The following NMRK1 variants were observed in gnomAD, a reference collection of about 807,000 sequenced individuals.
NMRK1 encodes nicotinamide riboside kinase 1, also known as NRK 1.
NMRK1 carries 28 observed loss-of-function variants against 29.9 expected under a neutral mutation model. That is an observed-to-expected ratio of 0.94 (90% CI 0.69 to 1.28). The LOEUF (loss-of-function observed/expected upper bound fraction) is 1.28, where lower values mean the gene tolerates loss of function less well. Ranked by LOEUF, NMRK1 falls within the 50% of genes most tolerant of loss-of-function variation. NMRK1 has a pLI of 0.00. For missense variants in NMRK1, 218 were observed against 233.1 expected (o/e 0.94, Z 0.42); for synonymous variants, 58 against 73.0 (o/e 0.79, Z 1.05).
intron 2 of NMRK1, chr9:75,078,413 C>A: frequency 6.4e-7 from 1 of 1,552,450 alleles, no homozygotes. Context: ...TAGCTTATCA[C>A]AACAGGCCAG....
chr9:75,072,356 T>C (rs1053838782), intron 4 of NMRK1, among the ~76,000 whole-genome samples: 1 of 152,224 alleles, frequency 6.6e-6, no homozygotes, highest in African/African-American at 2.4e-5. Flanking sequence ...CAGTGAGCAA[T>C]GGGACTAATC....
At chr9:75,080,742 C>T (rs1824271694) in intron 2 of NMRK1, among the ~76,000 whole-genome samples, 1 of 152,134 alleles carries the variant, frequency 6.6e-6, no homozygotes, top group Admixed American at 6.5e-5. Context: ...TGGTGCCATC[C>T]CCATGGTAAT....
intron 8 of NMRK1, among the ~76,000 whole-genome samples, chr9:75,065,545 C>T (rs140483223): frequency 6.6e-6 from 1 of 152,200 alleles, no homozygotes; most frequent in East Asian, 1.9e-4. Flanking sequence ...TCTTGAACTC[C>T]TGGCCCCAAG....
At chr9:75,086,627 G>A (rs1172499807) in intron 1 of NMRK1, among the ~76,000 whole-genome samples, 3 of 152,168 alleles carry the variant, frequency 2.0e-5, no homozygotes, top group Admixed American at 1.3e-4. Flanking sequence ...CTGCAGAATG[G>A]TCAGAAGTGG....
chr9:75,080,789 G>A (rs1292698620), intron 2 of NMRK1, among the ~76,000 whole-genome samples: 1 of 152,118 alleles, frequency 6.6e-6, no homozygotes, highest in African/African-American at 2.4e-5. Context: ...CGTGAGAGCT[G>A]GTTGTTTAAA....
Position 75,077,471 on chromosome 9 carries a change from T to C in NMRK1, c.120+19A>G. On this transcript the variant is annotated intron_variant, in intron 3 of 8. Coordinates refer to ENST00000361092, the MANE Select transcript of NMRK1 (RefSeq NM_017881.3). The stretch of plus-strand genomic sequence containing the variant: ...ACATTTTTGTATTAAATAAATAATT[T>C]AAGAAGTTTTATAGATACCTTGAAG... The C allele has an allele frequency of 1.3e-6, 2 of 1,484,722 alleles. No individual in the cohort carries two copies. Among genetic ancestry groups the C allele is most frequent in the South Asian group, 1.2e-5 (1 of 84,572 alleles). 92.0% of individuals were successfully genotyped at this position (1,484,722 alleles called of 1,614,324 possible). A position where few individuals can be genotyped will look rare whatever the true frequency, so the allele number is the denominator to read the frequency against.
At chr9:75,079,724 A>C (rs1301579739) in intron 2 of NMRK1, among the ~76,000 whole-genome samples, 1 of 152,086 alleles carries the variant, frequency 6.6e-6, no homozygotes, top group African/African-American at 2.4e-5. Context: ...AAGGAATAGG[A>C]ACCTTCCTTG....
rs1320139914 is a variant in NMRK1 at position 75,069,218 on chromosome 9, GACTACATGT to G, written c.390-125_390-117del. 4.3e-6 allele frequency: 3 copies of G among 694,142 alleles called. No individual in the cohort carries two copies. The African/African-American group carries it at 5.3e-5, about 12-fold the overall frequency. The allele number at this position is 694,142 out of a possible 1,614,324, so 43.0% of individuals were successfully genotyped here. ...AGAGGCTGAATCTAAACAGGATTAGGACTACATGTACTACATGTTTTAACTCAATGGCAG... is the reference window on the plus strand; with the variant it reads ...AGAGGCTGAATCTAAACAGGATTAGGACTACATGTTTTAACTCAATGGCAG... On this transcript the variant is annotated intron_variant, in intron 6 of 8. Coordinates refer to ENST00000361092, the MANE Select transcript of NMRK1 (RefSeq NM_017881.3).
chr9:75,073,081 G>A (rs1258196433), intron 4 of NMRK1, among the ~76,000 whole-genome samples: 1 of 152,178 alleles, frequency 6.6e-6, no homozygotes, highest in Non-Finnish European at 1.5e-5. Flanking sequence ...GGTCATTACA[G>A]ATACAATCAG....
chr9:75,078,547 A>G, intron 2 of NMRK1: 1 of 1,279,746 alleles, frequency 7.8e-7, no homozygotes, highest in Non-Finnish European at 9.9e-7. Flanking sequence ...CGATTCAGTC[A>G]TTTATTGAAA....
At chr9:75,077,654 G>A in intron 2 of NMRK1, 74 bp from the exon 3 acceptor site, 1 of 1,043,920 alleles carries the variant, frequency 9.6e-7, no homozygotes, top group Non-Finnish European at 1.5e-6. Flanking sequence ...TTTTTTTTGA[G>A]AGACAGGGTC....
At position 75,083,074 on chromosome 9, in the gene NMRK1, C is replaced by T; in HGVS notation, c.29+13G>A. Reference sequence around the variant, plus strand: ...CAGTATCTTAAAGAGCTGTTTGTAGCAAAATTACTCACCCACTGATTCCAA... The same window carrying T: ...CAGTATCTTAAAGAGCTGTTTGTAGTAAAATTACTCACCCACTGATTCCAA... On this transcript the variant is annotated intron_variant, in intron 2 of 8. Transcript: ENST00000361092. 6.3e-7 allele frequency: 1 copy of T among 1,586,214 alleles called. No homozygotes were observed. Among genetic ancestry groups the T allele is most frequent in the Non-Finnish European group, 8.7e-7 (1 of 1,154,594 alleles).
intron 8 of NMRK1, among the ~76,000 whole-genome samples, chr9:75,065,599 G>A (rs558716065): frequency 2.6e-5 from 4 of 152,138 alleles, no homozygotes; most frequent in South Asian, 2.1e-4. Context: ...GATTATAAAC[G>A]TGAGCCATTG....
At chr9:75,063,707 A>G (rs960979597) in intron 8 of NMRK1, among the ~76,000 whole-genome samples, 2 of 152,154 alleles carry the variant, frequency 1.3e-5, no homozygotes, top group Non-Finnish European at 2.9e-5. Flanking sequence ...GAGAAAAAAA[A>G]CCCTGAAGAT....
intron 3 of NMRK1, 91 bp downstream of exon 3, chr9:75,077,399 T>G (rs567954339): frequency 2.9e-6 from 3 of 1,043,272 alleles, no homozygotes; most frequent in African/African-American, 3.2e-5. Flanking sequence ...AACGTAAATC[T>G]CTAGCCAAAG....
At chr9:75,086,248 GC>G (rs1167542240) in intron 1 of NMRK1, among the ~76,000 whole-genome samples, 1 of 151,980 alleles carries the variant, frequency 6.6e-6, no homozygotes, top group Non-Finnish European at 1.5e-5. Context: ...AATTTAAAAA[GC>G]TCGCAATTGA....
rs561000149 is a variant in NMRK1, at chr9:75,083,856, AT to A, written c.-35-707del. On this transcript the variant is annotated intron_variant, in intron 1 of 8. Transcript: ENST00000361092. Reference sequence around the variant, plus strand: ...TAACAAGAGAAAAAACATTTTCACAATTTTTTTTGATGAAATTCAACATATA... The same window carrying A: ...TAACAAGAGAAAAAACATTTTCACAATTTTTTTGATGAAATTCAACATATA... 5.8e-3 allele frequency among the ~76,000 whole-genome samples: 881 copies of A among 152,176 alleles called. 8 individuals are homozygous for A. The highest frequency in any genetic ancestry group is 0.02 in the African/African-American group (849 of 41,538).
At chr9:75,083,350 A>C (rs2273768) in intron 1 of NMRK1, among the ~76,000 whole-genome samples, 200 bp from the exon 2 acceptor site, 64,897 of 152,024 alleles carry the variant, frequency 0.43, 14,098 homozygotes, top group East Asian at 0.53. Flanking sequence ...TGTGCTCAGG[A>C]CTGTCAAACA....
chr9:75,077,794 C>T (rs1417193417), intron 2 of NMRK1, among the ~76,000 whole-genome samples: 2 of 152,074 alleles, frequency 1.3e-5, no homozygotes, highest in African/African-American at 4.8e-5. Flanking sequence ...CGCCACCATG[C>T]CCGGCTAATT....
Sources: gnomAD v4.1 joint callset for allele counts (sites outside exome capture counted in the v4.1 genomes callset) on GRCh38, gnomAD v4.1.1 for gene constraint, MANE v1.5 for transcripts, NCBI Gene and HGNC (gene_info 2026-07-23, HGNC 2026-07-21) for gene names.